The following PTPRM variants were observed in gnomAD, a reference collection of about 807,000 sequenced individuals.
PTPRM encodes the protein receptor-type tyrosine-protein phosphatase mu.
PTPRM carries 47 observed loss-of-function variants against 186.7 expected under a neutral mutation model. That is an observed-to-expected ratio of 0.25 (90% CI 0.20 to 0.32). The LOEUF (loss-of-function observed/expected upper bound fraction) is 0.32. Among genes scored for constraint, PTPRM ranks in the 10% least tolerant of loss-of-function variants. The probability of loss-of-function intolerance (pLI) is 1.00; values close to 1 mark genes in which losing one functional copy is unlikely to be tolerated. For missense variants in PTPRM, 1,494 were observed against 1,865.0 expected, an observed-to-expected ratio of 0.80 and a Z score of 3.66; for synonymous variants, 668 against 674.9, an observed-to-expected ratio of 0.99 and a Z score of 0.16.
intron 1 of PTPRM, among the ~76,000 whole-genome samples, chr18:7,695,029 C>G (rs999507238): frequency 6.6e-6 from 1 of 152,006 alleles, no homozygotes; most frequent in Admixed American, 6.6e-5. Flanking sequence ...TGTTGTTATC[C>G]CCATTTTGCA....
intron 7 of PTPRM, among the ~76,000 whole-genome samples, chr18:8,004,832 G>A (rs1017401248): frequency 1.2e-4 from 18 of 152,088 alleles, no homozygotes; most frequent in African/African-American, 3.9e-4. Context: ...GGCAATCGCC[G>A]TTTACCCTAC....
intron 2 of PTPRM, among the ~76,000 whole-genome samples, chr18:7,878,749 T>A (rs1388593481): frequency 1.3e-5 from 2 of 151,928 alleles, no homozygotes; most frequent in East Asian, 3.9e-4. Flanking sequence ...TTTTTTCACA[T>A]GTGGAAAAAA....
In PTPRM at chr18:7,899,673, T is replaced by C. The variant is rs2049554872; in HGVS notation, c.469-6832T>C. Among the ~76,000 whole-genome samples, 5 of 152,150 alleles carry C rather than the reference T, an allele frequency of 3.3e-5. No homozygotes were observed. In the South Asian group the frequency reaches 1.0e-3, roughly 31 times the overall value. ...CAAATTTAGCTAACACCAAAGAAGA[T>C]GGTATAAAATGAGATCTTAGGGTAG... is the stretch of plus-strand genomic sequence containing the variant. On this transcript the variant is annotated intron_variant, in intron 3 of 32. Coordinates refer to ENST00000580170, the MANE Select transcript of PTPRM (RefSeq NM_001105244.2).
intron 1 of PTPRM, among the ~76,000 whole-genome samples, chr18:7,578,222 G>A (rs2143449605): frequency 6.6e-6 from 1 of 152,216 alleles, no homozygotes; most frequent in East Asian, 1.9e-4. Flanking sequence ...TAGTGCAAGT[G>A]GCATGATCAT....
At chr18:8,313,658 G>A (rs754954504) in intron 20 of PTPRM, among the ~76,000 whole-genome samples, 11 of 151,816 alleles carry the variant, frequency 7.2e-5, no homozygotes, top group Non-Finnish European at 1.5e-4. Flanking sequence ...GAGTTCTTTA[G>A]TGGTGATTTC....
In PTPRM at chr18:8,031,087, G is replaced by C. The variant is rs946528043; in HGVS notation, c.1133-38599G>C. On this transcript the variant is annotated intron_variant, in intron 7 of 32. Transcript: ENST00000580170. ...TTCATTTGATCTTTGAGAAATTTAA[G>C]CAATTACTTAATATTTATTTTTGTC... 2.0e-5 allele frequency among the ~76,000 whole-genome samples: 3 copies of C among 152,104 alleles called. No homozygotes were observed. In the South Asian group the frequency reaches 6.2e-4, roughly 32 times the overall value.
chr18:8,316,584 C>A (rs1188464673), intron 21 of PTPRM, among the ~76,000 whole-genome samples: 1 of 152,170 alleles, frequency 6.6e-6, no homozygotes, highest in African/African-American at 2.4e-5. Flanking sequence ...GCGTTATTTA[C>A]CTTTCTAGGT....
At chr18:8,178,472 C>A (rs902510225) in intron 14 of PTPRM, among the ~76,000 whole-genome samples, 1 of 152,154 alleles carries the variant, frequency 6.6e-6, no homozygotes, top group East Asian at 1.9e-4. Flanking sequence ...TTATTTGCCA[C>A]ATAGGCTCCT....
intron 2 of PTPRM, among the ~76,000 whole-genome samples, chr18:7,859,575 T>C (rs2047255682): frequency 6.6e-6 from 1 of 152,230 alleles, no homozygotes; most frequent in Non-Finnish European, 1.5e-5. Context: ...GGCCCAAGTA[T>C]GCCCACTGGA....
intron 14 of PTPRM, among the ~76,000 whole-genome samples, chr18:8,159,734 A>C (rs900627925): frequency 1.3e-5 from 2 of 152,142 alleles, no homozygotes; most frequent in Non-Finnish European, 1.5e-5. Flanking sequence ...CATCTTCAAC[A>C]TCCTATTCTT....
intron 2 of PTPRM, among the ~76,000 whole-genome samples, chr18:7,809,427 G>A (rs1042143049): frequency 2.8e-4 from 42 of 152,068 alleles, no homozygotes; most frequent in Admixed American, 1.9e-3. Context: ...CCCCTTCCAT[G>A]GTCAGCTGCT....
intron 20 of PTPRM, among the ~76,000 whole-genome samples, chr18:8,305,024 C>G (rs1555855807): frequency 6.6e-6 from 1 of 152,140 alleles, no homozygotes; most frequent in Non-Finnish European, 1.5e-5. Context: ...ACACGTACAC[C>G]AATGCGTTTG....
intron 3 of PTPRM, among the ~76,000 whole-genome samples, chr18:7,902,753 C>T (rs2049763198): frequency 6.6e-6 from 1 of 151,492 alleles, no homozygotes; most frequent in African/African-American, 2.4e-5. Flanking sequence ...ACTTCTGAGT[C>T]ATCCATTCTG....
At chr18:8,182,229 T>G (rs1449946668) in intron 14 of PTPRM, among the ~76,000 whole-genome samples, 1 of 152,178 alleles carries the variant, frequency 6.6e-6, no homozygotes, top group Admixed American at 6.5e-5. Flanking sequence ...ATTTTTTACT[T>G]TAGCTTCAGA....
chr18:8,171,606 TA>T (rs549636770), intron 14 of PTPRM, among the ~76,000 whole-genome samples: 154 of 152,260 alleles, frequency 1.0e-3, no homozygotes, highest in Non-Finnish European at 2.0e-3. Flanking sequence ...TGTGTTCATT[TA>T]AAATGGGAGG....
intron 7 of PTPRM, among the ~76,000 whole-genome samples, chr18:7,990,832 T>C (rs887853974): frequency 6.6e-6 from 1 of 152,100 alleles, no homozygotes; most frequent in Non-Finnish European, 1.5e-5. Context: ...TGGTGGGGCC[T>C]GGGGGACGGG....
At chr18:8,391,898 CT>C (rs200984741) in intron 31 of PTPRM, among the ~76,000 whole-genome samples, 1,630 of 152,272 alleles carry the variant, frequency 0.011, 24 homozygotes, top group African/African-American at 0.037. Flanking sequence ...ATAAATCAAT[CT>C]TGAATTCTTA....
At chr18:8,379,061 C>A (rs1598508862) in intron 27 of PTPRM, 106 bp from the exon 28 acceptor site, 3 of 871,560 alleles carry the variant, frequency 3.4e-6, no homozygotes, top group Non-Finnish European at 3.3e-6. Context: ...GGGAAGGGAC[C>A]GTCTTGCAGT....
At chr18:7,923,096 A>G (rs773321394) in intron 4 of PTPRM, among the ~76,000 whole-genome samples, 7 of 152,082 alleles carry the variant, frequency 4.6e-5, no homozygotes, top group Admixed American at 6.6e-5. Flanking sequence ...ATATTTAACA[A>G]CCCTTCAGCA....
Sources: allele counts gnomAD v4.1 joint callset (sites outside exome capture counted in the v4.1 genomes callset), GRCh38; gene constraint gnomAD v4.1.1; transcripts MANE v1.5; gene names NCBI Gene and HGNC (gene_info 2026-07-23, HGNC 2026-07-21).